PCDHGB3: variants seen among roughly 807,000 people sequenced by gnomAD.
PCDHGB3 encodes protocadherin gamma-B3.
PCDHGB3 carries 40 observed loss-of-function variants against 59.2 expected under a neutral mutation model. The ratio of observed to expected loss-of-function variants is 0.68; its 90% CI spans 0.52 to 0.88. The LOEUF (loss-of-function observed/expected upper bound fraction) is 0.88, where lower values mean the gene tolerates loss of function less well. Ranked by LOEUF, PCDHGB3 falls within the 40% of genes least tolerant of loss-of-function variation. PCDHGB3 has a pLI of 0.00. For synonymous variants in PCDHGB3, 581 were observed against 503.6 expected, an observed-to-expected ratio of 1.15 and a Z score of -2.06; for missense variants, 1,309 against 1,187.9, an observed-to-expected ratio of 1.10 and a Z score of -1.50.
chr5:141,433,328 G>C, intron 1 of PCDHGB3: 1 of 724,580 alleles, frequency 1.4e-6, no homozygotes, highest in Non-Finnish European at 2.3e-6. Context: ...GGTGTAACAG[G>C]GACTACAGGT....
intron 1 of PCDHGB3, among the ~76,000 whole-genome samples, chr5:141,469,045 G>C (rs35157158): frequency 1.4e-3 from 207 of 152,234 alleles, no homozygotes; most frequent in Middle Eastern, 0.01. Flanking sequence ...GGGAGGCCAA[G>C]GTGGGAGGAT....
At chr5:141,417,456 G>A (rs1354162154) in intron 1 of PCDHGB3, 1 of 177,626 alleles carries the variant, frequency 5.6e-6, no homozygotes, top group Non-Finnish European at 1.2e-5. Context: ...TTATGACCAA[G>A]TGGAAATATA....
chr5:141,430,915 G>T, intron 1 of PCDHGB3: 1 of 1,607,738 alleles, frequency 6.2e-7, no homozygotes, highest in East Asian at 2.2e-5. Flanking sequence ...CCAGGGACCT[G>T]GGGCTGGAGC....
At position 141,375,584 on chromosome 5, in the gene PCDHGB3, C is replaced by T. The variant is rs555182663; in HGVS notation, c.2415+2775C>T. The stretch of plus-strand genomic sequence containing the variant: ...AGAAGACACCCTCCAGGGGGCGCCC[C>T]TGTCCTCCTACGTGTCCATCAACTC... On this transcript the variant is annotated intron_variant, in intron 1 of 3. Coordinates refer to ENST00000576222, the MANE Select transcript of PCDHGB3 (RefSeq NM_018924.5). 2.3e-5 allele frequency: 37 copies of T among 1,614,178 alleles called. 2 individuals carry two copies. The South Asian group carries it at 3.8e-4, about 17-fold the overall frequency.
intron 1 of PCDHGB3, among the ~76,000 whole-genome samples, chr5:141,463,346 C>G (rs963070531): frequency 6.7e-6 from 1 of 150,312 alleles, no homozygotes; most frequent in Non-Finnish European, 1.5e-5. Context: ...TGGTGTTATT[C>G]TTGGATTTCC....
rs1433429634 is a variant in PCDHGB3 at position 141,486,311 on chromosome 5, G to T, written c.2416-8496G>T. 1.2e-6 allele frequency: 2 copies of T among 1,613,956 alleles called. No homozygotes were observed. Among genetic ancestry groups the T allele is most frequent in the African/African-American group, 2.7e-5 (2 of 74,892 alleles). On this transcript the variant is annotated intron_variant, in intron 1 of 3. Transcript: ENST00000576222. The surrounding 1 kb of genome is among the most constrained non-coding windows in gnomAD (Gnocchi z 5.0). The stretch of plus-strand genomic sequence containing the variant: ...TATCAGTGTGCAGGATCCAGACTCA[G>T]GGTCAAACGGAGATGTGAGCCTCCG...
chr5:141,489,066 C>G lies in PCDHGB3; in HGVS notation c.2416-5741C>G. The stretch of plus-strand genomic sequence containing the variant: ...CACTCAAATTCAGCTCCCCTCCCCC[C>G]TGCCCACCCCCGCCACTCGGTGACT... On this transcript the variant is annotated intron_variant, in intron 1 of 3. Transcript: ENST00000576222. This position sits in a 1 kb window ranked among gnomAD's most constrained non-coding sequence, Gnocchi z 4.5. 1 of 391,132 alleles carries G rather than the reference C, an allele frequency of 2.6e-6. No individual in the cohort carries two copies. Among genetic ancestry groups the G allele is most frequent in the South Asian group, 4.2e-5 (1 of 24,028 alleles). 24.2% of individuals were successfully genotyped at this position (391,132 alleles called of 1,614,324 possible).
At position 141,485,120 on chromosome 5, in the gene PCDHGB3, G is replaced by A. The variant is rs2099607447; in HGVS notation, c.2416-9687G>A. On this transcript the variant is annotated intron_variant, in intron 1 of 3. Coordinates refer to ENST00000576222, the MANE Select transcript of PCDHGB3 (RefSeq NM_018924.5). The surrounding 1 kb of genome is among the most constrained non-coding windows in gnomAD (Gnocchi z 5.7). ...TCCAGCTGCTGTGGCTGTTTGGGGC[G>A]GGTCGGCTTCATCCGCGTCTCAGGA... The A allele has an allele frequency of 1.5e-6, 2 of 1,348,050 alleles. No homozygotes were observed. Among genetic ancestry groups the A allele is most frequent in the Non-Finnish European group, 2.1e-6 (2 of 952,710 alleles). 83.5% of individuals were successfully genotyped at this position (1,348,050 alleles called of 1,614,324 possible).
intron 1 of PCDHGB3, among the ~76,000 whole-genome samples, chr5:141,444,029 A>T (rs977610555): frequency 2.6e-5 from 4 of 152,164 alleles, no homozygotes; most frequent in African/African-American, 9.7e-5. Flanking sequence ...AAAGGAATTC[A>T]GTAAATCAGA....
At chr5:141,381,893 G>C (rs1777730137) in intron 1 of PCDHGB3, among the ~76,000 whole-genome samples, 1 of 121,222 alleles carries the variant, frequency 8.2e-6, no homozygotes, top group African/African-American at 3.2e-5. Context: ...GCAATGGTGT[G>C]ATCTCGGCTC....
intron 1 of PCDHGB3, among the ~76,000 whole-genome samples, chr5:141,453,492 G>T (rs1046043468): frequency 6.6e-6 from 1 of 152,000 alleles, no homozygotes; most frequent in Non-Finnish European, 1.5e-5. Flanking sequence ...AAAAAAAGGT[G>T]TACTCAGAAA....
At chr5:141,445,768 T>A (rs2098476928) in intron 1 of PCDHGB3, among the ~76,000 whole-genome samples, 1 of 152,074 alleles carries the variant, frequency 6.6e-6, no homozygotes, top group Admixed American at 6.6e-5. Context: ...CTCAAGCAAT[T>A]TAAAAGGGCT....
At chr5:141,438,282 T>C (rs915347472) in intron 1 of PCDHGB3, among the ~76,000 whole-genome samples, 1 of 151,630 alleles carries the variant, frequency 6.6e-6, no homozygotes, top group African/African-American at 2.4e-5. Context: ...CAAAATAATT[T>C]AATCTGTATG....
Position 141,419,681 on chromosome 5 carries a change from G to A in PCDHGB3, c.2415+46872G>A, listed in dbSNP as rs377117997. ...GCACAATGCCTGGCTGTCCTACCACGTGGTGCAGGCCAGTGAGCCCGGGCT... is the reference window on the plus strand; with the variant it reads ...GCACAATGCCTGGCTGTCCTACCACATGGTGCAGGCCAGTGAGCCCGGGCT... On this transcript the variant is annotated intron_variant, in intron 1 of 3. Coordinates refer to ENST00000576222, the MANE Select transcript of PCDHGB3 (RefSeq NM_018924.5). 76 of 1,612,904 alleles carry A rather than the reference G, an allele frequency of 4.7e-5. No homozygotes were observed. The highest frequency in any genetic ancestry group is 5.7e-5 in the Non-Finnish European group (67 of 1,179,706).
intron 1 of PCDHGB3, chr5:141,384,712 T>C (rs1479257673): frequency 6.2e-7 from 1 of 1,614,074 alleles, no homozygotes; most frequent in Admixed American, 1.7e-5. Flanking sequence ...CGCCTGGCTG[T>C]CATACCTCCT....
At chr5:141,392,719 C>T (rs1044889578) in intron 1 of PCDHGB3, 60 of 1,382,980 alleles carry the variant, frequency 4.3e-5, no homozygotes, top group African/African-American at 2.9e-5. Context: ...TCCAGGTTTC[C>T]GGAGGATTGT....
rs200348921 is a variant in PCDHGB3 at position 141,374,104 on chromosome 5, T to G, written c.2415+1295T>G. 296 of 1,570,490 alleles carry G rather than the reference T, an allele frequency of 1.9e-4. No individual in the cohort carries two copies. Among genetic ancestry groups the G allele is most frequent in the Non-Finnish European group, 2.4e-4 (283 of 1,156,394 alleles). On this transcript the variant is annotated intron_variant, in intron 1 of 3. Transcript: ENST00000576222. ...CAGTAATGGCGCCTCCGCAGAGGCA[T>G]CCGCAGCGCAGCGAGCAGGTCCTGC...
At chr5:141,446,312 T>C (rs2098498076) in intron 1 of PCDHGB3, among the ~76,000 whole-genome samples, 1 of 152,208 alleles carries the variant, frequency 6.6e-6, no homozygotes, top group African/African-American at 2.4e-5. Flanking sequence ...GAGTGATTCC[T>C]GGGTTTCCAC....
chr5:141,443,118 C>A (rs1474257262), intron 1 of PCDHGB3, among the ~76,000 whole-genome samples: 1 of 151,762 alleles, frequency 6.6e-6, no homozygotes, highest in Non-Finnish European at 1.5e-5. Flanking sequence ...GCTTTTCAAA[C>A]CAGATTAAGA....
Sources: gnomAD v4.1 joint callset for allele counts (sites outside exome capture counted in the v4.1 genomes callset) on GRCh38, gnomAD v4.1.1 for gene constraint, Gnocchi (gnomAD v3.1) non-coding constraint, MANE v1.5 for transcripts, NCBI Gene and HGNC (gene_info 2026-07-23, HGNC 2026-07-21) for gene names.